Variants in MYO1E observed in about 807,000 individuals in gnomAD.
MYO1E encodes unconventional myosin-Ie.
Under a neutral mutation model 151.1 loss-of-function variants are expected in MYO1E, and 68 were observed. The ratio of observed to expected loss-of-function variants is 0.45; its 90% CI spans 0.37 to 0.55. The LOEUF is 0.55. Among genes scored for constraint, MYO1E ranks in the 20% least tolerant of loss-of-function variants. The pLI is 0.00. For missense variants in MYO1E, 1,363 were observed against 1,389.3 expected, an observed-to-expected ratio of 0.98 and a Z score of 0.30; for synonymous variants, 601 against 501.7, an observed-to-expected ratio of 1.20 and a Z score of -2.64.
chr15:59,368,745 CA>C (rs71996121), intron 1 of MYO1E, among the ~76,000 whole-genome samples: 32 of 144,204 alleles, frequency 2.2e-4, no homozygotes, highest in Middle Eastern at 3.5e-3. Context: ...GACTCCAACT[CA>C]AAAAAAAAAA....
At position 59,347,175 on chromosome 15, in the gene MYO1E, G is replaced by A. The variant is rs78462242; in HGVS notation, c.3+25323C>T. ...GAGTGGCTGGTGAGCAAGCATTACC[G>A]CCTGAGCTCCGCCTCCTGTAAGATC... On this transcript the variant is annotated intron_variant, in intron 1 of 27. Coordinates refer to ENST00000288235, the MANE Select transcript of MYO1E (RefSeq NM_004998.4). 5.3e-3 allele frequency among the ~76,000 whole-genome samples: 804 copies of A among 152,256 alleles called. 4 individuals carry two copies. The highest frequency in any genetic ancestry group is 8.2e-3 in the Non-Finnish European group (557 of 68,018).
At chr15:59,233,330 C>T (rs1202602179) in intron 5 of MYO1E, among the ~76,000 whole-genome samples, 3 of 152,100 alleles carry the variant, frequency 2.0e-5, no homozygotes, top group South Asian at 2.1e-4. Context: ...TGGCATGTGG[C>T]GGGCATATTA....
chr15:59,228,050 G>T, intron 6 of MYO1E, among the ~76,000 whole-genome samples: 1 of 152,140 alleles, frequency 6.6e-6, no homozygotes, highest in East Asian at 1.9e-4. Context: ...TAAAAGTAAA[G>T]TTCTTTCTAG....
At chr15:59,163,438 T>A in intron 22 of MYO1E, 135 bp from the exon 23 acceptor site, 1 of 892,356 alleles carries the variant, frequency 1.1e-6, no homozygotes. Flanking sequence ...TAAGTAATAA[T>A]CTTTCAAACA....
chr15:59,222,886 C>G (rs1476095545), intron 9 of MYO1E, among the ~76,000 whole-genome samples, 173 bp downstream of exon 9: 1 of 152,178 alleles, frequency 6.6e-6, no homozygotes, highest in African/African-American at 2.4e-5. Flanking sequence ...GGGACAGGTG[C>G]ATAGAAGAGG....
chr15:59,303,848 TAAC>T lies in MYO1E; in HGVS notation c.4-31402_4-31400del, dbSNP rs556693860. ...GTGTAGGACTCTCTTCTGATAAAATTAACAACAACAGCAGGAATATAATGGCCC... is the reference window on the plus strand; with the variant it reads ...GTGTAGGACTCTCTTCTGATAAAATTAACAACAGCAGGAATATAATGGCCC... On this transcript the variant is annotated intron_variant, in intron 1 of 27. Transcript: ENST00000288235. Among the ~76,000 whole-genome samples, 56 of 152,244 alleles carry T rather than the reference TAAC, an allele frequency of 3.7e-4. 1 individual carries two copies. In the East Asian group the frequency reaches 8.7e-3, roughly 24 times the overall value.
intron 1 of MYO1E, among the ~76,000 whole-genome samples, chr15:59,309,916 T>C (rs1481612413): frequency 6.6e-6 from 1 of 152,168 alleles, no homozygotes; most frequent in Non-Finnish European, 1.5e-5. Flanking sequence ...GAATCACCCT[T>C]GATCCTTCCT....
chr15:59,247,884 G>C (rs1351527081), intron 4 of MYO1E, among the ~76,000 whole-genome samples: 3 of 152,166 alleles, frequency 2.0e-5, no homozygotes, highest in African/African-American at 7.2e-5. Context: ...CACTTTGGGA[G>C]GCTGAGGCAG....
At chr15:59,199,773 C>T (rs1464089846) in intron 16 of MYO1E, among the ~76,000 whole-genome samples, 1 of 152,120 alleles carries the variant, frequency 6.6e-6, no homozygotes, top group African/African-American at 2.4e-5. Context: ...ACTCAGAATC[C>T]TTTTAAACGC....
chr15:59,220,987 T>TTATATATATAATTATATATATAA (rs2079951784), intron 9 of MYO1E, among the ~76,000 whole-genome samples: 1 of 144,350 alleles, frequency 6.9e-6, no homozygotes, highest in South Asian at 2.1e-4. Flanking sequence ...TCATCTCACA[T>TTATATATATAATTATATATATAA]TATATATATA....
rs1464618538 is a variant in MYO1E, at chr15:59,134,837, G to A, written c.*2543C>T. 6.6e-6 allele frequency: 1 copy of A among 152,120 alleles called. No individual in the cohort carries two copies. The highest frequency in any genetic ancestry group is 2.4e-5 in the African/African-American group (1 of 41,404). The allele number at this position is 152,120 out of a possible 1,614,324, so 9.4% of individuals were successfully genotyped here. Reference sequence around the variant, plus strand: ...GTGGTCATATTTGCTTAACTGCACAGTGAACAAAATGGCAGGCCAGGCTAG... The same window carrying A: ...GTGGTCATATTTGCTTAACTGCACAATGAACAAAATGGCAGGCCAGGCTAG... On this transcript the variant is annotated 3_prime_UTR_variant, in exon 28 of 28. Transcript: ENST00000288235.
At chr15:59,208,540 T>C in intron 14 of MYO1E, 141 bp downstream of exon 14, 1 of 1,058,680 alleles carries the variant, frequency 9.4e-7, no homozygotes, top group Non-Finnish European at 1.4e-6. Flanking sequence ...CAATCTTTTG[T>C]TTTGCTTCCT....
intron 23 of MYO1E, 70 bp from the exon 24 acceptor site, chr15:59,161,300 A>C: frequency 6.6e-7 from 1 of 1,525,634 alleles, no homozygotes; most frequent in Non-Finnish European, 9.0e-7. Context: ...AGATCCCGCC[A>C]CGGAGTTCTG....
At chr15:59,278,621 C>G (rs975343472) in intron 1 of MYO1E, among the ~76,000 whole-genome samples, 5 of 152,106 alleles carry the variant, frequency 3.3e-5, no homozygotes, top group Admixed American at 2.0e-4. Flanking sequence ...ATTTAAACCC[C>G]TAATATTTTG....
chr15:59,142,076 C>T (rs1161884998), intron 26 of MYO1E, among the ~76,000 whole-genome samples: 2 of 151,610 alleles, frequency 1.3e-5, no homozygotes, highest in Admixed American at 1.3e-4. Context: ...CACTGCACTC[C>T]AGCCTGGGAA....
chr15:59,234,255 T>A (rs2080048052), intron 5 of MYO1E, among the ~76,000 whole-genome samples: 1 of 151,492 alleles, frequency 6.6e-6, no homozygotes, highest in Admixed American at 6.6e-5. Flanking sequence ...GGTGCATGGA[T>A]GGATGGGTGC....
intron 1 of MYO1E, among the ~76,000 whole-genome samples, chr15:59,304,767 T>C (rs1336164858): frequency 2.0e-5 from 3 of 152,236 alleles, no homozygotes; most frequent in East Asian, 1.9e-4. Flanking sequence ...TGCAAAAGTA[T>C]TTACTGTTGT....
intron 1 of MYO1E, among the ~76,000 whole-genome samples, chr15:59,293,868 C>T (rs1452963294): frequency 6.6e-6 from 1 of 152,046 alleles, no homozygotes; most frequent in Non-Finnish European, 1.5e-5. Context: ...CATGGTGAAA[C>T]CCTGTCTCTA....
chr15:59,344,846 T>C (rs2080785142), intron 1 of MYO1E, among the ~76,000 whole-genome samples: 2 of 152,058 alleles, frequency 1.3e-5, no homozygotes. Flanking sequence ...ATTCAATAAA[T>C]ACAAGCAGCC....
Sources: allele counts gnomAD v4.1 joint callset (sites outside exome capture counted in the v4.1 genomes callset), GRCh38; gene constraint gnomAD v4.1.1; transcripts MANE v1.5; gene names NCBI Gene and HGNC (gene_info 2026-07-23, HGNC 2026-07-21).